Variants in NAALADL2 observed in about 807,000 individuals in gnomAD.
The protein encoded by NAALADL2 is N-acetylated alpha-linked acidic dipeptidase like 2.
Under a neutral mutation model 87.2 loss-of-function variants are expected in NAALADL2, and 76 were observed. That is an observed-to-expected ratio of 0.87 (90% CI 0.72 to 1.05). The LOEUF is 1.05. Among genes scored for constraint, NAALADL2 ranks in the 50% least tolerant of loss-of-function variants. NAALADL2 has a pLI of 0.00. For missense variants in NAALADL2, 1,089 were observed against 945.8 expected, an observed-to-expected ratio of 1.15 and a Z score of -1.99; for synonymous variants, 354 against 331.0, an observed-to-expected ratio of 1.07 and a Z score of -0.75.
intron 10 of NAALADL2, among the ~76,000 whole-genome samples, chr3:175,583,523 C>T (rs1385708103): frequency 2.0e-5 from 3 of 148,136 alleles, no homozygotes; most frequent in Non-Finnish European, 4.5e-5. Flanking sequence ...GTGTGGGGAA[C>T]CAGGCAACTA....
At position 174,615,403 on chromosome 3, in the gene NAALADL2, G is replaced by A. The variant is rs73172569; in HGVS notation, c.-115+64766G>A. Among the ~76,000 whole-genome samples the A allele has an allele frequency of 6.0e-3, 916 of 152,258 alleles. 6 individuals carry two copies. Among genetic ancestry groups the A allele is most frequent in the Non-Finnish European group, 7.1e-3 (483 of 68,004 alleles). On this transcript the variant is annotated intron_variant, in intron 2 of 3. Transcript: ENST00000434257. ...GTTGTGTCAGCAATTGATAGAGGTG[G>A]TTTTTCTTCCTGTATTCCTCCTGTT...
At chr3:175,667,223 GAA>G (rs1156518991) in intron 11 of NAALADL2, among the ~76,000 whole-genome samples, 19 of 127,080 alleles carry the variant, frequency 1.5e-4, no homozygotes, top group Middle Eastern at 3.9e-3. Context: ...AAGAAAGAAA[GAA>G]AGAAAGAAAG....
chr3:175,357,165 A>G (rs942072116), intron 5 of NAALADL2, among the ~76,000 whole-genome samples: 4 of 152,140 alleles, frequency 2.6e-5, no homozygotes, highest in African/African-American at 9.7e-5. Context: ...TTTCATAGAC[A>G]TCTTCCATCC....
intron 11 of NAALADL2, among the ~76,000 whole-genome samples, chr3:175,693,814 TCAGCCTCC>T (rs968999087): frequency 2.4e-4 from 37 of 152,262 alleles, no homozygotes; most frequent in African/African-American, 8.4e-4. Context: ...TTCTCCTGCC[TCAGCCTCC>T]CAAGTAGCTT....
intron 3 of NAALADL2, among the ~76,000 whole-genome samples, chr3:174,782,039 T>C (rs1035090322): frequency 6.6e-6 from 1 of 152,174 alleles, no homozygotes; most frequent in African/African-American, 2.4e-5. Flanking sequence ...TAAATGTACT[T>C]GATCCTTTTC....
intron 2 of NAALADL2, among the ~76,000 whole-genome samples, chr3:174,621,367 A>T (rs969376589): frequency 6.6e-6 from 1 of 152,118 alleles, no homozygotes; most frequent in African/African-American, 2.4e-5. Flanking sequence ...TCATTTTCTG[A>T]CAGATTAGAG....
chr3:174,859,979 G>A (rs1045530126), intron 1 of NAALADL2, among the ~76,000 whole-genome samples: 1 of 152,080 alleles, frequency 6.6e-6, no homozygotes, highest in Non-Finnish European at 1.5e-5. Flanking sequence ...TTATTTCACA[G>A]GTGTTGCTTA....
At chr3:175,685,018 G>T (rs181186225) in intron 11 of NAALADL2, among the ~76,000 whole-genome samples, 2 of 152,238 alleles carry the variant, frequency 1.3e-5, no homozygotes, top group African/African-American at 2.4e-5. Flanking sequence ...TATAGGAGAG[G>T]TTTGCATAAT....
At chr3:175,554,157 G>C (rs138004893) in intron 9 of NAALADL2, among the ~76,000 whole-genome samples, 157 of 152,182 alleles carry the variant, frequency 1.0e-3, no homozygotes, top group African/African-American at 3.6e-3. Context: ...GAACCAAGTA[G>C]TCCTAAGTGG....
chr3:174,878,600 G>A (rs921481830), intron 1 of NAALADL2, among the ~76,000 whole-genome samples: 3 of 152,022 alleles, frequency 2.0e-5, no homozygotes, highest in African/African-American at 7.2e-5. Context: ...CATTTATGGA[G>A]ATGAAATGAT....
intron 1 of NAALADL2, among the ~76,000 whole-genome samples, chr3:174,504,371 A>T (rs1401195729): frequency 6.6e-6 from 1 of 152,080 alleles, no homozygotes; most frequent in Non-Finnish European, 1.5e-5. Flanking sequence ...GGGGATATTA[A>T]ATGGTTTTTC....
intron 5 of NAALADL2, among the ~76,000 whole-genome samples, chr3:175,352,200 A>C (rs1037748217): frequency 6.6e-6 from 1 of 151,010 alleles, no homozygotes; most frequent in Non-Finnish European, 1.5e-5. Context: ...GGGCTAGGAC[A>C]TGGGACCAAG....
chr3:174,654,943 G>T (rs1724756585), intron 2 of NAALADL2, among the ~76,000 whole-genome samples: 1 of 152,062 alleles, frequency 6.6e-6, no homozygotes, highest in African/African-American at 2.4e-5. Context: ...CACCGTGTTA[G>T]CCAGGATGGT....
At chr3:174,886,069 A>G (rs975934184) in intron 1 of NAALADL2, among the ~76,000 whole-genome samples, 2 of 150,710 alleles carry the variant, frequency 1.3e-5, no homozygotes, top group Non-Finnish European at 3.0e-5. Flanking sequence ...ACCTGCCACC[A>G]CGCCCAGCTA....
At chr3:174,883,189 A>AGGG (rs111957723) in intron 1 of NAALADL2, among the ~76,000 whole-genome samples, 2 of 151,864 alleles carry the variant, frequency 1.3e-5, no homozygotes, top group African/African-American at 4.8e-5. Flanking sequence ...ACCCAGATTA[A>AGGG]GGGGGGGTCT....
chr3:175,149,330 A>G (rs576599324), intron 2 of NAALADL2, among the ~76,000 whole-genome samples: 9 of 152,328 alleles, frequency 5.9e-5, no homozygotes, highest in South Asian at 4.1e-4. Flanking sequence ...AAATGAAACT[A>G]TGATCAATTC....
At chr3:175,565,865 T>C (rs1000627548) in intron 9 of NAALADL2, among the ~76,000 whole-genome samples, 3 of 122,356 alleles carry the variant, frequency 2.5e-5, no homozygotes, top group Non-Finnish European at 4.9e-5. Context: ...AATCTCACTC[T>C]GTCCCCCAGG....
At chr3:174,767,530 G>A (rs1713971131) in intron 3 of NAALADL2, among the ~76,000 whole-genome samples, 1 of 152,090 alleles carries the variant, frequency 6.6e-6, no homozygotes, top group Non-Finnish European at 1.5e-5. Flanking sequence ...CTACTAGATA[G>A]GCTCTTGCCA....
intron 1 of NAALADL2, among the ~76,000 whole-genome samples, chr3:175,013,164 TATGTAATACATATTTATATATAA>T (rs1750252501): frequency 1.7e-5 from 2 of 116,616 alleles, no homozygotes; most frequent in Non-Finnish European, 3.7e-5. Context: ...TATATATAAA[TATGTAATACATATTTATATATAA>T]ATATATATAC....
Sources: allele counts gnomAD v4.1 joint callset (sites outside exome capture counted in the v4.1 genomes callset), GRCh38; gene constraint gnomAD v4.1.1; transcripts MANE v1.5; gene names NCBI Gene and HGNC (gene_info 2026-07-23, HGNC 2026-07-21).